The following RUVBL1 variants were observed in gnomAD, a reference collection of about 807,000 sequenced individuals.
RUVBL1 encodes RuvB like AAA ATPase 1.
RUVBL1 carries 4 observed loss-of-function variants against 52.4 expected under a neutral mutation model. The ratio of observed to expected loss-of-function variants is 0.08; its 90% CI spans 0.04 to 0.17. RUVBL1 has a LOEUF of 0.17. Among genes scored for constraint, RUVBL1 ranks in the 10% least tolerant of loss-of-function variants. The pLI is 1.00. For missense variants in RUVBL1, 298 were observed against 572.8 expected, an observed-to-expected ratio of 0.52 and a Z score of 4.90; for synonymous variants, 217 against 214.4, an observed-to-expected ratio of 1.01 and a Z score of -0.10.
chr3:128,146,257 G>C (rs1041248303), intron 1 of RUVBL1, among the ~76,000 whole-genome samples: 1 of 152,166 alleles, frequency 6.6e-6, no homozygotes, highest in African/African-American at 2.4e-5. Context: ...GATGAGTTCA[G>C]GAAGGTAGCA....
At chr3:128,101,778 A>C in intron 4 of RUVBL1, 130 bp from the exon 5 acceptor site, 1 of 850,300 alleles carries the variant, frequency 1.2e-6, no homozygotes, top group African/African-American at 1.7e-5. Flanking sequence ...TTGCGTTTGC[A>C]TGAATACTGG....
intron 1 of RUVBL1, among the ~76,000 whole-genome samples, chr3:128,132,316 C>G (rs1440578638): frequency 6.6e-6 from 1 of 152,210 alleles, no homozygotes; most frequent in African/African-American, 2.4e-5. Context: ...GTGTAGGCCA[C>G]AAGGACTGCA....
chr3:128,146,711 G>A (rs749873383), intron 1 of RUVBL1, among the ~76,000 whole-genome samples: 4 of 151,484 alleles, frequency 2.6e-5, no homozygotes, highest in South Asian at 2.1e-4. Flanking sequence ...GTCTCTGTGC[G>A]TGTGCATGGC....
intron 2 of RUVBL1, among the ~76,000 whole-genome samples, chr3:128,114,137 A>G (rs1485527276): frequency 6.6e-6 from 1 of 152,248 alleles, no homozygotes; most frequent in Non-Finnish European, 1.5e-5. Flanking sequence ...AAGTTGGTAC[A>G]GAACTGGGCA....
intron 8 of RUVBL1, among the ~76,000 whole-genome samples, chr3:128,095,509 A>G (rs1247740754): frequency 2.6e-5 from 4 of 152,224 alleles, no homozygotes; most frequent in African/African-American, 9.6e-5. Flanking sequence ...CTTTCTCTCC[A>G]AGACTTAGGA....
intron 6 of RUVBL1, 139 bp downstream of exon 6, chr3:128,100,456 T>C (rs1186767842): frequency 1.1e-6 from 1 of 936,958 alleles, no homozygotes; most frequent in East Asian, 2.8e-5. Flanking sequence ...CTCATGTCGA[T>C]GTTAATTGCT....
Position 128,106,468 on chromosome 3 carries a change from CT to C in RUVBL1, c.362-1545del, listed in dbSNP as rs1275634364. Among the ~76,000 whole-genome samples the C allele has an allele frequency of 7.2e-5, 11 of 151,966 alleles. No individual in the cohort carries two copies. In the East Asian group the frequency reaches 9.7e-4, roughly 13 times the overall value. ...TCAGTTTAAAACGTATCCCCCCCCC[CT>C]TCACACATTCTTCTTCCTCATCCTC... is the stretch of plus-strand genomic sequence containing the variant. On this transcript the variant is annotated intron_variant, in intron 3 of 10. Transcript: ENST00000322623.
At chr3:128,102,960 T>C (rs1225193286) in intron 4 of RUVBL1, among the ~76,000 whole-genome samples, 1 of 152,158 alleles carries the variant, frequency 6.6e-6, no homozygotes, top group African/African-American at 2.4e-5. Context: ...AGGACAAAAG[T>C]GGGTGAGGCC....
chr3:128,125,830 C>T (rs1943780984), upstream of RUVBL1, among the ~76,000 whole-genome samples: 1 of 152,338 alleles, frequency 6.6e-6, no homozygotes, highest in Non-Finnish European at 1.5e-5. Context: ...AGAAAAGAAG[C>T]AATTCCTTTC....
At chr3:128,147,833 A>C (rs1036469024) in intron 1 of RUVBL1, among the ~76,000 whole-genome samples, 1 of 152,232 alleles carries the variant, frequency 6.6e-6, no homozygotes, top group African/African-American at 2.4e-5. Flanking sequence ...CAAAACCTGG[A>C]AACAACCCAA....
intron 3 of RUVBL1, among the ~76,000 whole-genome samples, chr3:128,110,600 A>G (rs912140590): frequency 2.6e-5 from 4 of 152,218 alleles, no homozygotes; most frequent in Non-Finnish European, 5.9e-5. Context: ...TGTTAAAATT[A>G]TAAAATAAAA....
intron 6 of RUVBL1, 34 bp downstream of exon 6, chr3:128,100,561 A>C (rs765391446): frequency 1.3e-6 from 2 of 1,564,388 alleles, no homozygotes; most frequent in East Asian, 2.3e-5. Flanking sequence ...CAAAAGGGCT[A>C]ATGTGCCAGA....
chr3:128,113,527 C>T (rs1229055433), intron 2 of RUVBL1, among the ~76,000 whole-genome samples: 2 of 152,182 alleles, frequency 1.3e-5, no homozygotes, highest in Admixed American at 1.3e-4. Context: ...AGGGTATTTG[C>T]ATATAACCTA....
chr3:128,091,954 AAAG>A (rs1192815215), intron 8 of RUVBL1, among the ~76,000 whole-genome samples: 59 of 152,348 alleles, frequency 3.9e-4, no homozygotes, highest in Middle Eastern at 3.4e-3. Context: ...CTGCTGACAG[AAAG>A]CACAGTAAAA....
chr3:128,122,231 G>A (rs1337799903), intron 1 of RUVBL1, among the ~76,000 whole-genome samples: 1 of 152,180 alleles, frequency 6.6e-6, no homozygotes, highest in Admixed American at 6.5e-5. Flanking sequence ...CTAGTCAATG[G>A]CACACAGGTT....
chr3:128,113,126 T>G, intron 2 of RUVBL1, 106 bp from the exon 3 acceptor site: 1 of 1,284,652 alleles, frequency 7.8e-7, no homozygotes, highest in Non-Finnish European at 1.1e-6. Flanking sequence ...GAACATCTAG[T>G]CCTACCATTT....
Position 128,081,253 on chromosome 3 carries a change from C to T in RUVBL1, c.1368G>A (p.Lys456=). Residue 456 remains lysine, a synonymous_variant, in exon 11 of 11, where the codon AAG becomes AAA. Coordinates refer to ENST00000322623, the MANE Select transcript of RUVBL1 (RefSeq NM_003707.3). This position sits in a 1 kb window ranked among gnomAD's most constrained non-coding sequence, Gnocchi z 4.8. ...ACTGCTGAAAACCTCAGCCATCTCA[C>T]TTCATGTACTTATCCTGCTGGTCAG... ...ILADQQDKYM[K] 6.2e-7 allele frequency: 1 copy of T among 1,613,768 alleles called. No individual in the cohort carries two copies. Among genetic ancestry groups the T allele is most frequent in the Non-Finnish European group, 8.5e-7 (1 of 1,179,734 alleles).
intron 1 of RUVBL1, among the ~76,000 whole-genome samples, chr3:128,138,961 T>C (rs1385727373): frequency 6.6e-6 from 1 of 152,148 alleles, no homozygotes; most frequent in Non-Finnish European, 1.5e-5. Flanking sequence ...GGTGAAAGGA[T>C]AGCCTCTTCA....
chr3:128,118,353 T>C (rs1365516041), intron 2 of RUVBL1, among the ~76,000 whole-genome samples: 1 of 152,206 alleles, frequency 6.6e-6, no homozygotes, highest in African/African-American at 2.4e-5. Context: ...AGTAATCATT[T>C]CAAAATTATA....
Sources: allele counts gnomAD v4.1 joint callset (sites outside exome capture counted in the v4.1 genomes callset), GRCh38; gene constraint gnomAD v4.1.1; non-coding constraint Gnocchi (gnomAD v3.1); transcripts MANE v1.5; gene names NCBI Gene and HGNC (gene_info 2026-07-23, HGNC 2026-07-21).